DEUP1: variants seen among roughly 807,000 people sequenced by gnomAD.
DEUP1 encodes the protein deuterosome assembly protein 1.
In DEUP1, 82 loss-of-function variants were observed where a neutral mutation model predicts 87.4. That is an observed-to-expected ratio of 0.94 (90% CI 0.78 to 1.13). DEUP1 has a LOEUF of 1.13. DEUP1 is among the 50% of genes most tolerant of loss of function. The pLI is 0.00. For missense variants in DEUP1, 663 were observed against 681.5 expected (o/e 0.97, Z 0.30); for synonymous variants, 214 against 222.7 (o/e 0.96, Z 0.35).
At chr11:93,387,948 C>T (rs186886275) in intron 8 of DEUP1, among the ~76,000 whole-genome samples, 183 of 151,940 alleles carry the variant, frequency 1.2e-3, no homozygotes, top group African/African-American at 4.0e-3. Flanking sequence ...ATATATTTAC[C>T]GCACATAAAA....
chr11:93,408,158 C>T (rs780091331), intron 11 of DEUP1, 73 bp from the exon 12 acceptor site: 1 of 1,107,858 alleles, frequency 9.0e-7, no homozygotes, highest in Non-Finnish European at 1.2e-6. Context: ...CAGCACAAGT[C>T]TCCAAACACA....
chr11:93,340,377 G>A (rs1591081652), intron 2 of DEUP1, among the ~76,000 whole-genome samples: 1 of 152,126 alleles, frequency 6.6e-6, no homozygotes, highest in Non-Finnish European at 1.5e-5. Context: ...CAGAAAAGAG[G>A]CCAGTTAGAG....
At chr11:93,358,773 G>A (rs1945018074) in intron 4 of DEUP1, among the ~76,000 whole-genome samples, 2 of 152,110 alleles carry the variant, frequency 1.3e-5, no homozygotes, top group Non-Finnish European at 2.9e-5. Flanking sequence ...AATAGAGATG[G>A]TGTTTCGCCT....
At chr11:93,379,474 A>G (rs1279880926) in intron 7 of DEUP1, among the ~76,000 whole-genome samples, 1 of 152,164 alleles carries the variant, frequency 6.6e-6, no homozygotes, top group Non-Finnish European at 1.5e-5. Flanking sequence ...TAGGATCACC[A>G]TCTCTACTCT....
chr11:93,415,054 G>T lies in DEUP1; in HGVS notation c.1578G>T (p.Ser526=), dbSNP rs780369481. The T allele has an allele frequency of 3.8e-5, 61 of 1,608,244 alleles. No individual in the cohort carries two copies. Among genetic ancestry groups the T allele is most frequent in the Non-Finnish European group, 4.6e-5 (54 of 1,177,816 alleles). Residue 526 remains serine (S), a synonymous_variant, in exon 13 of 14, where the codon TCG becomes TCT. Transcript: ENST00000298050. ...NRSTMPPLPP[S]TFQAKEMTSP... Reference sequence around the variant, plus strand: ...GTACAATGCCTCCCTTGCCACCTTCGACATTTCAAGCCAAAGAAATGACAA... The same window carrying T: ...GTACAATGCCTCCCTTGCCACCTTCTACATTTCAAGCCAAAGAAATGACAA...
intron 7 of DEUP1, among the ~76,000 whole-genome samples, chr11:93,374,125 G>T (rs1945912373): frequency 6.6e-6 from 1 of 151,890 alleles, no homozygotes; most frequent in Admixed American, 6.6e-5. Flanking sequence ...CTTTTTGATG[G>T]GATTGTTTGT....
At chr11:93,333,364 C>G (rs7107679) in intron 2 of DEUP1, among the ~76,000 whole-genome samples, 52,552 of 152,048 alleles carry the variant, frequency 0.35, 9,440 homozygotes, top group Non-Finnish European at 0.4. Flanking sequence ...GTTGTTTCAG[C>G]TCCCACCATC....
At chr11:93,433,430 G>A (rs753136311) in intron 13 of DEUP1, among the ~76,000 whole-genome samples, 1 of 152,172 alleles carries the variant, frequency 6.6e-6, no homozygotes, top group Non-Finnish European at 1.5e-5. Flanking sequence ...GAAGTGGGAG[G>A]ATCACTTGAG....
intron 9 of DEUP1, among the ~76,000 whole-genome samples, chr11:93,390,022 G>A (rs1946718996): frequency 6.6e-6 from 1 of 152,122 alleles, no homozygotes; most frequent in African/African-American, 2.4e-5. Flanking sequence ...CCTCCCTCTA[G>A]TACAATCCAG....
intron 2 of DEUP1, among the ~76,000 whole-genome samples, chr11:93,350,400 A>T (rs1476936128): frequency 1.3e-5 from 2 of 152,202 alleles, no homozygotes; most frequent in Admixed American, 1.3e-4. Context: ...AATGGATGGA[A>T]AAGTTCTTCA....
At chr11:93,393,876 A>G (rs1946850719) in intron 9 of DEUP1, among the ~76,000 whole-genome samples, 1 of 152,204 alleles carries the variant, frequency 6.6e-6, no homozygotes, top group Admixed American at 6.5e-5. Context: ...GAGACAATCC[A>G]GAGGTTTGTA....
intron 13 of DEUP1, among the ~76,000 whole-genome samples, chr11:93,430,914 G>A (rs529297577): frequency 6.6e-6 from 1 of 152,146 alleles, no homozygotes; most frequent in Admixed American, 6.5e-5. Context: ...TGGCCAACAT[G>A]GTGAAGCCCC....
intron 7 of DEUP1, among the ~76,000 whole-genome samples, chr11:93,384,950 G>A (rs11020296): frequency 0.25 from 38,008 of 152,128 alleles, 5,004 homozygotes; most frequent in South Asian, 0.37. Flanking sequence ...GAGGCCAGGC[G>A]CAGTGGCTCA....
rs757235614 is a variant in DEUP1, at chr11:93,415,040, C to G, written c.1564C>G (p.Pro522Ala). Residue 522 changes from proline to alanine, a missense_variant, in exon 13 of 14, where the codon CCC becomes GCC. Coordinates refer to ENST00000298050, the MANE Select transcript of DEUP1 (RefSeq NM_181645.4). ...TGAGCCAAACAGAAGTACAATGCCT[C>G]CCTTGCCACCTTCGACATTTCAAGC... ...DCEPNRSTMP[P>A]LPPSTFQAKE... The G allele has an allele frequency of 6.9e-6, 11 of 1,603,416 alleles. 1 individual carries two copies. In the South Asian group the frequency reaches 1.2e-4, roughly 18 times the overall value.
At chr11:93,371,581 A>G (rs899359834) in intron 7 of DEUP1, among the ~76,000 whole-genome samples, 10 of 151,942 alleles carry the variant, frequency 6.6e-5, no homozygotes, top group Admixed American at 6.6e-5. Context: ...CTCTTCCCCC[A>G]CTATTTTCTC....
At chr11:93,354,873 A>G (rs1944814387) in intron 2 of DEUP1, among the ~76,000 whole-genome samples, 1 of 152,234 alleles carries the variant, frequency 6.6e-6, no homozygotes, top group South Asian at 2.1e-4. Context: ...GCCTGATCCA[A>G]TTCCTTAGAA....
Position 93,415,093 on chromosome 11 carries a change from T to C in DEUP1, c.1617T>C (p.Ser539=), listed in dbSNP as rs751668560. ...QAKEMTSPLV[S]DDDVFPLSPP... ...AAGAAATGACAAGTCCTTTGGTTAG[T>C]GATGATGATGTATTCCCACTGGTGA... The change falls in exon 13 of 14, where the codon AGT becomes AGC. Residue 539 remains serine (S), a synonymous_variant. Transcript: ENST00000298050. 2.5e-6 allele frequency: 4 copies of C among 1,610,330 alleles called. No homozygotes were observed. Among genetic ancestry groups the C allele is most frequent in the Admixed American group, 3.4e-5 (2 of 59,646 alleles).
At chr11:93,389,835 G>A (rs1946713409) in intron 9 of DEUP1, among the ~76,000 whole-genome samples, 1 of 152,024 alleles carries the variant, frequency 6.6e-6, no homozygotes, top group African/African-American at 2.4e-5. Context: ...TAGCTCAGAG[G>A]AAGTATCTAG....
intron 11 of DEUP1, among the ~76,000 whole-genome samples, chr11:93,399,514 C>G (rs1343644893): frequency 6.6e-6 from 1 of 151,486 alleles, no homozygotes; most frequent in Non-Finnish European, 1.5e-5. Flanking sequence ...ATGTCCTTTT[C>G]TTTTAAAATG....
Sources: allele counts gnomAD v4.1 joint callset (sites outside exome capture counted in the v4.1 genomes callset), GRCh38; gene constraint gnomAD v4.1.1; transcripts MANE v1.5; gene names NCBI Gene and HGNC (gene_info 2026-07-23, HGNC 2026-07-21).